CTSC: variants seen among roughly 807,000 people sequenced by gnomAD.
The protein encoded by CTSC is dipeptidyl peptidase 1.
A neutral mutation model predicts 40.9 loss-of-function variants in CTSC; 37 were observed. The observed-to-expected ratio is 0.91, with a 90% CI of 0.70 to 1.19. The LOEUF (loss-of-function observed/expected upper bound fraction) is 1.19, where lower values mean the gene tolerates loss of function less well. Among genes scored for constraint, CTSC ranks in the 50% most tolerant of loss-of-function variants. CTSC has a pLI of 0.00. For synonymous variants in CTSC, 232 were observed against 207.4 expected, an observed-to-expected ratio of 1.12 and a Z score of -1.02; for missense variants, 594 against 567.3, an observed-to-expected ratio of 1.05 and a Z score of -0.48.
intron 2 of CTSC, among the ~76,000 whole-genome samples, chr11:88,318,930 T>C (rs540613238): frequency 1.3e-5 from 2 of 152,112 alleles, no homozygotes; most frequent in African/African-American, 4.8e-5. Context: ...AATAAATAAA[T>C]AAACTAATTA....
chr11:88,314,872 A>G (rs1937840637), intron 2 of CTSC, among the ~76,000 whole-genome samples: 1 of 152,116 alleles, frequency 6.6e-6, no homozygotes, highest in East Asian at 1.9e-4. Flanking sequence ...CTTCTAGTGA[A>G]GAATGGCTTC....
intron 5 of CTSC, chr11:88,298,852 A>C (rs967029997): frequency 1.3e-5 from 2 of 152,324 alleles, no homozygotes; most frequent in East Asian, 3.9e-4. Flanking sequence ...ATTTGGCTTT[A>C]GAAAGTCGAA....
intron 4 of CTSC, among the ~76,000 whole-genome samples, chr11:88,307,597 T>C (rs994186890): frequency 2.5e-5 from 3 of 119,050 alleles, no homozygotes. Context: ...CATCAAAGCA[T>C]AGAGAGGATT....
Position 88,293,870 on chromosome 11 carries a change from A to T in CTSC, c.*136T>A. The T allele has an allele frequency of 9.1e-7, 1 of 1,097,806 alleles. No individual in the cohort carries two copies. Among genetic ancestry groups the T allele is most frequent in the Non-Finnish European group, 1.4e-6 (1 of 739,722 alleles). 68.0% of individuals were successfully genotyped at this position (1,097,806 alleles called of 1,614,324 possible). ...GTATATTAAAATTAAGGGCAGTTTT[A>T]ATTCTGAAGACAAATATCTTCATGG... On this transcript the variant is annotated 3_prime_UTR_variant, in exon 7 of 7. Coordinates refer to ENST00000227266, the MANE Select transcript of CTSC (RefSeq NM_001814.6).
intron 4 of CTSC, among the ~76,000 whole-genome samples, chr11:88,308,839 C>G (rs1937689767): frequency 6.6e-6 from 1 of 152,158 alleles, no homozygotes; most frequent in Non-Finnish European, 1.5e-5. Context: ...CTTTATGCAG[C>G]AGGCAGGAAG....
At chr11:88,305,786 A>G (rs1937625639) in intron 4 of CTSC, among the ~76,000 whole-genome samples, 1 of 152,222 alleles carries the variant, frequency 6.6e-6, no homozygotes, top group Non-Finnish European at 1.5e-5. Flanking sequence ...TCCTTCATAA[A>G]CCCAGCCCTT....
intron 2 of CTSC, among the ~76,000 whole-genome samples, chr11:88,319,365 T>C (rs1265984717): frequency 1.3e-5 from 2 of 152,152 alleles, no homozygotes; most frequent in East Asian, 3.8e-4. Context: ...CAGTTAAAAT[T>C]TGTCTATTAA....
chr11:88,325,276 GAAGGT>G, intron 2 of CTSC: 3 of 985,392 alleles, frequency 3.0e-6, no homozygotes, highest in Non-Finnish European at 3.6e-6. Flanking sequence ...AACTGAAGGA[GAAGGT>G]AAGTTTTGGT....
intron 2 of CTSC, chr11:88,321,412 T>C (rs894424379): frequency 2.0e-5 from 3 of 152,210 alleles, no homozygotes; most frequent in Non-Finnish European, 4.4e-5. Flanking sequence ...AGCTATTTTT[T>C]CTAATGCTCT....
chr11:88,323,299 C>G (rs1302907266), intron 2 of CTSC: 1 of 152,074 alleles, frequency 6.6e-6, no homozygotes, highest in African/African-American at 2.4e-5. Flanking sequence ...TATGAGAAAC[C>G]CACAGATAAT....
intron 2 of CTSC, among the ~76,000 whole-genome samples, chr11:88,315,250 A>G (rs536353624): frequency 6.6e-6 from 1 of 152,250 alleles, no homozygotes; most frequent in African/African-American, 2.4e-5. Flanking sequence ...CAGTCTGACA[A>G]TGTTTCCAGA....
intron 2 of CTSC, chr11:88,326,286 G>A (rs749064946): frequency 6.3e-7 from 1 of 1,597,478 alleles, no homozygotes; most frequent in Admixed American, 1.7e-5. Flanking sequence ...CATTTTGCAT[G>A]CAAATAAAGA....
intron 2 of CTSC, among the ~76,000 whole-genome samples, chr11:88,332,947 T>G (rs1938401544): frequency 6.6e-6 from 1 of 152,206 alleles, no homozygotes; most frequent in Non-Finnish European, 1.5e-5. Context: ...ATAACTTTAT[T>G]TGGCTTTAAA....
chr11:88,294,061 T>G lies in CTSC; in HGVS notation c.1337A>C (p.Asp446Ala), dbSNP rs1224318776. The G allele has an allele frequency of 6.2e-7, 1 of 1,614,062 alleles. No individual in the cohort carries two copies. Residue 446 changes from aspartate (D) to alanine (A), a missense_variant, in exon 7 of 7, where the codon GAT becomes GCT. Physicochemically the swap from Asp to Ala is moderately radical, Grantham distance 126. Coordinates refer to ENST00000227266, the MANE Select transcript of CTSC (RefSeq NM_001814.6). Reference protein sequence around the residue: ...NGYFRIRRGTDECAIESIAVA... With the variant: ...NGYFRIRRGTAECAIESIAVA... ...TGCTATGCTCTCAATTGCACACTCA[T>G]CAGTTCCTCTGCGGATCCGGAAGTA...
At chr11:88,312,978 G>A (rs1937796556) in intron 2 of CTSC, among the ~76,000 whole-genome samples, 1 of 152,170 alleles carries the variant, frequency 6.6e-6, no homozygotes, top group Non-Finnish European at 1.5e-5. Context: ...AAGGCAACAG[G>A]CGAAGTGGCA....
chr11:88,309,300 G>A lies in CTSC; in HGVS notation c.504C>T (p.Tyr168=). 1 of 1,613,626 alleles carries A rather than the reference G, an allele frequency of 6.2e-7. No individual in the cohort carries two copies. The part of the protein sequence containing the change: ...NSQEKYSNRL[Y]KYDHNFVKAI... ...CTTTCACAAAGTTGTGATCATACTT[G>A]TAGAGCCTATTAGAATACCTGTCCC... Residue 168 remains tyrosine, a synonymous_variant, in exon 4 of 7, where the codon TAC becomes TAT. Transcript: ENST00000227266.
At chr11:88,299,847 A>G (rs1449684543) in intron 5 of CTSC, 1 of 152,284 alleles carries the variant, frequency 6.6e-6, no homozygotes, top group Non-Finnish European at 1.5e-5. Flanking sequence ...ACTCAGGATA[A>G]CAAGATAATT....
rs571803773 is a variant in CTSC at position 88,299,980 on chromosome 11, G to A, written c.757+550C>T. Among the ~76,000 whole-genome samples the A allele has an allele frequency of 4.3e-4, 65 of 152,262 alleles. 1 individual carries two copies. The highest frequency in any genetic ancestry group is 1.3e-3 in the African/African-American group (53 of 41,546). ...TCATGAACCTGGGTTCCGCCCTCACGCCATCACTCAGGAAGCTGGGTTAAT... is the reference window on the plus strand; with the variant it reads ...TCATGAACCTGGGTTCCGCCCTCACACCATCACTCAGGAAGCTGGGTTAAT... On this transcript the variant is annotated intron_variant, in intron 5 of 6. Coordinates refer to ENST00000227266, the MANE Select transcript of CTSC (RefSeq NM_001814.6).
intron 3 of CTSC, among the ~76,000 whole-genome samples, chr11:88,312,120 TTTTC>T (rs1462916985): frequency 9.8e-5 from 15 of 152,350 alleles, no homozygotes; most frequent in African/African-American, 3.4e-4. Flanking sequence ...GCAAAATGGC[TTTTC>T]TTTATTAGTA....
Sources: allele counts gnomAD v4.1 joint callset (sites outside exome capture counted in the v4.1 genomes callset), GRCh38; gene constraint gnomAD v4.1.1; transcripts MANE v1.5; gene names NCBI Gene and HGNC (gene_info 2026-07-23, HGNC 2026-07-21).